SGCZ: variants seen among roughly 807,000 people sequenced by gnomAD.
The protein encoded by SGCZ is sarcoglycan zeta.
SGCZ carries 40 observed loss-of-function variants against 41.3 expected under a neutral mutation model. The ratio of observed to expected loss-of-function variants is 0.97; its 90% CI spans 0.75 to 1.26. The LOEUF (loss-of-function observed/expected upper bound fraction) is 1.26, where lower values mean the gene tolerates loss of function less well. SGCZ is among the 50% of genes most tolerant of loss of function. The pLI is 0.00. For synonymous variants in SGCZ, 206 were observed against 137.5 expected, an observed-to-expected ratio of 1.50 and a Z score of -3.49; for missense variants, 552 against 369.8, an observed-to-expected ratio of 1.49 and a Z score of -4.04.
At chr8:14,533,340 A>T (rs1310192753) in intron 2 of SGCZ, among the ~76,000 whole-genome samples, 1 of 150,396 alleles carries the variant, frequency 6.6e-6, no homozygotes, top group Non-Finnish European at 1.5e-5. Context: ...CACTAAAAAA[A>T]TTGGACCTTT....
At chr8:14,124,968 C>G (rs889855523) in intron 5 of SGCZ, among the ~76,000 whole-genome samples, 1 of 151,976 alleles carries the variant, frequency 6.6e-6, no homozygotes, top group African/African-American at 2.4e-5. Context: ...AATCTATGTG[C>G]AAAAATCACA....
In SGCZ at chr8:14,987,758, T is replaced by C. The variant is rs921804967; in HGVS notation, c.39+249827A>G. On this transcript the variant is annotated intron_variant, in intron 1 of 7. Transcript: ENST00000382080. ...AACCATTTACACTTTTAATTTGAAG[T>C]TGTATTGCTTCATAATTAACCCAAA... 7.9e-5 allele frequency among the ~76,000 whole-genome samples: 12 copies of C among 152,134 alleles called. No homozygotes were observed. The East Asian group carries it at 2.3e-3, about 29-fold the overall frequency.
At position 14,523,112 on chromosome 8, in the gene SGCZ, G is replaced by C. The variant is rs2117104852; in HGVS notation, c.234+31620C>G. Among the ~76,000 whole-genome samples, 2 of 151,968 alleles carry C rather than the reference G, an allele frequency of 1.3e-5. 1 individual carries two copies. The highest frequency in any genetic ancestry group is 4.2e-4 in the South Asian group (2 of 4,816). On this transcript the variant is annotated intron_variant, in intron 2 of 7. Coordinates refer to ENST00000382080, the MANE Select transcript of SGCZ (RefSeq NM_139167.4). Reference sequence around the variant, plus strand: ...CCCCTTACCTTTCCTTATTTATAATGAAATTGTCTTAAATATCTCTCCCGC... The same window carrying C: ...CCCCTTACCTTTCCTTATTTATAATCAAATTGTCTTAAATATCTCTCCCGC...
At chr8:14,576,748 T>C (rs949421694) in intron 1 of SGCZ, among the ~76,000 whole-genome samples, 2 of 152,136 alleles carry the variant, frequency 1.3e-5, no homozygotes, top group African/African-American at 4.8e-5. Context: ...TCAACATCAG[T>C]GGAAGAAGCA....
intron 2 of SGCZ, among the ~76,000 whole-genome samples, chr8:14,452,310 A>C (rs941379348): frequency 6.6e-6 from 1 of 152,054 alleles, no homozygotes; most frequent in Non-Finnish European, 1.5e-5. Flanking sequence ...GAGGGGAGGG[A>C]CGAATTAACA....
chr8:14,123,114 T>G (rs1247740496), intron 5 of SGCZ, among the ~76,000 whole-genome samples: 1 of 152,186 alleles, frequency 6.6e-6, no homozygotes, highest in Non-Finnish European at 1.5e-5. Flanking sequence ...ATTCAAACTT[T>G]TTTGGAAGAA....
intron 5 of SGCZ, among the ~76,000 whole-genome samples, chr8:14,129,413 G>T (rs1238628452): frequency 2.4e-5 from 3 of 127,574 alleles, no homozygotes; most frequent in African/African-American, 8.4e-5. Context: ...ATAAAAATTT[G>T]AAAAATAAGG....
At chr8:15,126,915 G>C (rs1396750033) in intron 1 of SGCZ, among the ~76,000 whole-genome samples, 1 of 152,170 alleles carries the variant, frequency 6.6e-6, no homozygotes, top group African/African-American at 2.4e-5. Flanking sequence ...AGGGGGAAGA[G>C]AGGCCAGAGA....
At chr8:15,015,604 C>T (rs1016193030) in intron 1 of SGCZ, among the ~76,000 whole-genome samples, 6 of 146,168 alleles carry the variant, frequency 4.1e-5, no homozygotes, top group Non-Finnish European at 8.9e-5. Context: ...AGGAGAATGG[C>T]GTGAACCCGG....
intron 2 of SGCZ, among the ~76,000 whole-genome samples, chr8:14,481,108 GAAT>G (rs1285728861): frequency 6.6e-6 from 1 of 151,920 alleles, no homozygotes; most frequent in African/African-American, 2.4e-5. Flanking sequence ...AATATATAAA[GAAT>G]AATACAAATA....
chr8:14,246,558 G>A (rs1467096633), intron 3 of SGCZ, among the ~76,000 whole-genome samples: 1 of 150,526 alleles, frequency 6.6e-6, no homozygotes, highest in African/African-American at 2.5e-5. Flanking sequence ...TAACTAACCT[G>A]CACATTGTGC....
At chr8:14,643,801 T>C (rs1317071511) in intron 1 of SGCZ, among the ~76,000 whole-genome samples, 1 of 151,720 alleles carries the variant, frequency 6.6e-6, no homozygotes, top group Non-Finnish European at 1.5e-5. Flanking sequence ...CATCCTAAAT[T>C]GAAGGTTGCC....
chr8:15,024,693 T>C (rs994549895), intron 1 of SGCZ, among the ~76,000 whole-genome samples: 4 of 152,016 alleles, frequency 2.6e-5, no homozygotes, highest in Admixed American at 2.0e-4. Flanking sequence ...TCCCAGCACT[T>C]TGGGAGGCCG....
At chr8:14,234,756 T>G (rs569101113) in intron 4 of SGCZ, among the ~76,000 whole-genome samples, 1 of 152,132 alleles carries the variant, frequency 6.6e-6, no homozygotes, top group East Asian at 1.9e-4. Flanking sequence ...GAATTAAATT[T>G]TACTTTTCTA....
At chr8:14,929,684 TCAGAGATAAACTAGGTATAAAATCCA>T (rs1207870956) in intron 1 of SGCZ, among the ~76,000 whole-genome samples, 1 of 152,056 alleles carries the variant, frequency 6.6e-6, no homozygotes, top group Admixed American at 6.5e-5. Context: ...CTTTGTTATG[TCAGAGATAAACTAGGTATAAAATCCA>T]CAGCTGACAG....
chr8:15,163,368 A>T (rs933994146), intron 1 of SGCZ, among the ~76,000 whole-genome samples: 5 of 152,242 alleles, frequency 3.3e-5, no homozygotes, highest in Non-Finnish European at 7.3e-5. Flanking sequence ...TTCAGCCTTC[A>T]GGCTGTCTTG....
At chr8:14,422,829 C>G (rs950217062) in intron 2 of SGCZ, among the ~76,000 whole-genome samples, 2 of 152,106 alleles carry the variant, frequency 1.3e-5, no homozygotes, top group Non-Finnish European at 1.5e-5. Context: ...AAATCTGAGA[C>G]CAGCCTGGGC....
At chr8:14,876,866 G>C (rs1169646945) in intron 1 of SGCZ, among the ~76,000 whole-genome samples, 1 of 152,176 alleles carries the variant, frequency 6.6e-6, no homozygotes, top group African/African-American at 2.4e-5. Context: ...TCTCTGTTTA[G>C]AGGTCCCCCC....
intron 7 of SGCZ, among the ~76,000 whole-genome samples, chr8:14,098,156 G>A (rs1407667072): frequency 1.3e-5 from 2 of 152,132 alleles, no homozygotes; most frequent in East Asian, 3.9e-4. Flanking sequence ...CAAATGAATG[G>A]CTGCATTTAT....
Sources: gnomAD v4.1 joint callset for allele counts (sites outside exome capture counted in the v4.1 genomes callset) on GRCh38, gnomAD v4.1.1 for gene constraint, MANE v1.5 for transcripts, NCBI Gene and HGNC (gene_info 2026-07-23, HGNC 2026-07-21) for gene names.